Variants in PRIM2 observed in about 807,000 individuals in gnomAD.
PRIM2 encodes the protein DNA primase large subunit.
PRIM2 carries 39 observed loss-of-function variants against 67.3 expected under a neutral mutation model. The ratio of observed to expected loss-of-function variants is 0.58; its 90% confidence interval spans 0.45 to 0.76. The LOEUF (loss-of-function observed/expected upper bound fraction) is 0.76. PRIM2 is among the 30% of genes least tolerant of loss of function. The pLI is 0.00. For missense variants in PRIM2, 398 were observed against 598.7 expected (o/e 0.66, Z 3.50); for synonymous variants, 143 against 198.7 (o/e 0.72, Z 2.36).
chr6:57,590,448 G>GCTTA (rs1332449873), intron 10 of PRIM2, among the ~76,000 whole-genome samples: 1 of 152,190 alleles, frequency 6.6e-6, no homozygotes, highest in East Asian at 1.9e-4. Context: ...CGCAAGTGGG[G>GCTTA]ATTCCTAATT....
intron 7 of PRIM2, among the ~76,000 whole-genome samples, chr6:57,472,291 G>A (rs1409812133): frequency 1.3e-5 from 2 of 151,954 alleles, no homozygotes; most frequent in Admixed American, 6.6e-5. Context: ...TTACCTGGGC[G>A]TGGTGGTGGG....
intron 10 of PRIM2, among the ~76,000 whole-genome samples, chr6:57,588,400 G>A (rs1202980431): frequency 4.7e-5 from 7 of 149,190 alleles, no homozygotes; most frequent in Admixed American, 4.1e-4. Context: ...TCCTGGTATC[G>A]ATGAGAGACG....
At chr6:57,335,302 C>T (rs1354858574) in intron 5 of PRIM2, among the ~76,000 whole-genome samples, 3,881 of 81,012 alleles carry the variant, frequency 0.048, no homozygotes, top group African/African-American at 0.06. Flanking sequence ...CCCGCCATTG[C>T]CCAGGCTTGC....
chr6:57,247,377 C>T, the PRIM2 span, among the ~76,000 whole-genome samples: 11,425 of 152,186 alleles, frequency 0.075, 627 homozygotes, highest in East Asian at 0.18. Context: ...TTTTATACCA[C>T]ACATAATTTT....
the PRIM2 span, among the ~76,000 whole-genome samples, chr6:57,287,298 C>T: frequency 6.6e-6 from 1 of 152,178 alleles, no homozygotes; most frequent in Non-Finnish European, 1.5e-5. Context: ...ACCATAAAGA[C>T]ACATGCACAC....
At chr6:57,537,383 C>A in intron 9 of PRIM2, 57 bp from the exon 10 acceptor site, 2 of 844,732 alleles carry the variant, frequency 2.4e-6, no homozygotes, top group Non-Finnish European at 3.5e-6. Flanking sequence ...ACAAATATTA[C>A]AGGGGACCTG....
At chr6:57,305,989 T>C in the PRIM2 span, among the ~76,000 whole-genome samples, 1 of 152,202 alleles carries the variant, frequency 6.6e-6, no homozygotes, top group Non-Finnish European at 1.5e-5. Flanking sequence ...TGATAAATGA[T>C]GCTCATAAAT....
At chr6:57,372,861 G>T (rs1388825434) in intron 5 of PRIM2, among the ~76,000 whole-genome samples, 1 of 152,106 alleles carries the variant, frequency 6.6e-6, no homozygotes, top group Non-Finnish European at 1.5e-5. Context: ...TCATTAATCG[G>T]CATTTGGGTT....
At chr6:57,404,645 C>T (rs145978520) in intron 7 of PRIM2, among the ~76,000 whole-genome samples, 1 of 152,232 alleles carries the variant, frequency 6.6e-6, no homozygotes, top group Non-Finnish European at 1.5e-5. Context: ...CAGTTGGCTG[C>T]AGTAGTTCAA....
At chr6:57,356,398 C>T (rs1051613033) in intron 5 of PRIM2, among the ~76,000 whole-genome samples, 3 of 152,128 alleles carry the variant, frequency 2.0e-5, no homozygotes, top group Non-Finnish European at 4.4e-5. Flanking sequence ...TGTTACCATT[C>T]TAGCTTTTGT....
At chr6:57,403,249 A>ATTTTT (rs71299587) in intron 7 of PRIM2, among the ~76,000 whole-genome samples, 78 of 110,182 alleles carry the variant, frequency 7.1e-4, no homozygotes, top group African/African-American at 2.6e-3. Context: ...CAGGTGAAGA[A>ATTTTT]TTTTTTTTTT....
intron 7 of PRIM2, among the ~76,000 whole-genome samples, chr6:57,465,996 G>T (rs554057168): frequency 6.7e-6 from 1 of 148,622 alleles, no homozygotes; most frequent in Admixed American, 6.7e-5. Flanking sequence ...GACAGGCCCC[G>T]GTGTGTGATG....
In PRIM2 at chr6:57,409,199, G is replaced by C. The variant is rs7738896; in HGVS notation, c.693+27031G>C. On this transcript the variant is annotated intron_variant, in intron 7 of 13. Transcript: ENST00000615550. Reference sequence around the variant, plus strand: ...AAATACTTTTTTTTTTTTTCGAGATGGAGTCTCGCTCTGTCGCCCAGGCTG... The same window carrying C: ...AAATACTTTTTTTTTTTTTCGAGATCGAGTCTCGCTCTGTCGCCCAGGCTG... Among the ~76,000 whole-genome samples, 135 of 150,666 alleles carry C rather than the reference G, an allele frequency of 9.0e-4. 1 individual carries two copies. Among genetic ancestry groups the C allele is most frequent in the African/African-American group, 3.1e-3 (128 of 40,968 alleles).
At chr6:57,470,111 A>G (rs1773299442) in intron 7 of PRIM2, among the ~76,000 whole-genome samples, 1 of 152,192 alleles carries the variant, frequency 6.6e-6, no homozygotes, top group Admixed American at 6.5e-5. Context: ...GTGTTGGATG[A>G]ATTCTGCTTC....
chr6:57,388,556 T>C (rs1264019322), intron 7 of PRIM2, among the ~76,000 whole-genome samples: 1 of 152,180 alleles, frequency 6.6e-6, no homozygotes, highest in Non-Finnish European at 1.5e-5. Context: ...GTCTTTATGG[T>C]AACCCTATAA....
chr6:57,570,341 G>T (rs1159014927), intron 10 of PRIM2, among the ~76,000 whole-genome samples: 2 of 152,158 alleles, frequency 1.3e-5, no homozygotes, highest in African/African-American at 4.8e-5. Flanking sequence ...GTATCATAGA[G>T]CAGGAAATGA....
intron 7 of PRIM2, among the ~76,000 whole-genome samples, chr6:57,409,221 G>T (rs1771003107): frequency 6.6e-6 from 1 of 151,844 alleles, no homozygotes; most frequent in Non-Finnish European, 1.5e-5. Flanking sequence ...TGTCGCCCAG[G>T]CTGGAGTACA....
chr6:57,302,104 T>C, the PRIM2 span, among the ~76,000 whole-genome samples: 15,109 of 152,206 alleles, frequency 0.099, 827 homozygotes, highest in African/African-American at 0.14. Flanking sequence ...ACTTCCAAAT[T>C]TGAGCCCCCA....
At chr6:57,493,220 G>A (rs1452996224) in intron 7 of PRIM2, among the ~76,000 whole-genome samples, 2 of 152,180 alleles carry the variant, frequency 1.3e-5, no homozygotes, top group Non-Finnish European at 2.9e-5. Flanking sequence ...AAAATCATCT[G>A]TCTTGATCTG....
Sources: allele counts gnomAD v4.1 joint callset (sites outside exome capture counted in the v4.1 genomes callset), GRCh38; gene constraint gnomAD v4.1.1; transcripts MANE v1.5; gene names NCBI Gene and HGNC (gene_info 2026-07-23, HGNC 2026-07-21).